Variants in TMC1 observed in about 807,000 individuals in gnomAD.
TMC1 encodes the protein transmembrane channel like 1, also known as transmembrane channel-like protein 1.
TMC1 carries 84 observed loss-of-function variants against 105.8 expected under a neutral mutation model. That is an observed-to-expected ratio of 0.79 (90% CI 0.67 to 0.95). TMC1 has a LOEUF of 0.95. Ranked by LOEUF, TMC1 falls within the 40% of genes least tolerant of loss-of-function variation. The pLI is 0.00. For synonymous variants in TMC1, 315 were observed against 311.5 expected, an observed-to-expected ratio of 1.01 and a Z score of -0.12; for missense variants, 817 against 914.1, an observed-to-expected ratio of 0.89 and a Z score of 1.37.
chr9:72,670,890 A>G (rs533115711), intron 5 of TMC1, among the ~76,000 whole-genome samples: 5 of 152,346 alleles, frequency 3.3e-5, no homozygotes, highest in South Asian at 2.1e-4. Flanking sequence ...GTTTTACACT[A>G]TGTATGAAAT....
intron 8 of TMC1, among the ~76,000 whole-genome samples, chr9:72,723,206 A>G (rs1454731587): frequency 6.6e-6 from 1 of 150,634 alleles, no homozygotes; most frequent in Non-Finnish European, 1.5e-5. Context: ...TTTTTGTTTT[A>G]TATGACTTTT....
chr9:72,653,467 A>G (rs770988241), intron 5 of TMC1, among the ~76,000 whole-genome samples: 1 of 152,336 alleles, frequency 6.6e-6, no homozygotes, highest in South Asian at 2.1e-4. Context: ...TACATACCAT[A>G]GGTTACTATT....
rs1231480682 is a variant in TMC1 at position 72,789,056 on chromosome 9, C to T, written c.1030-67C>T. The T allele has an allele frequency of 3.3e-6, 5 of 1,504,580 alleles. No homozygotes were observed. The African/African-American group carries it at 4.1e-5, about 12-fold the overall frequency. 93.2% of individuals were successfully genotyped at this position (1,504,580 alleles called of 1,614,324 possible). A position where few individuals can be genotyped will look rare whatever the true frequency, so the allele number is the denominator to read the frequency against. On this transcript the variant is annotated intron_variant, in intron 14 of 23. Transcript: ENST00000297784. ...AAAAATAACTTTTGAGGTTTTGATA[C>T]TTTTAAAATGTAGCTAAGATATTCT...
intron 13 of TMC1, among the ~76,000 whole-genome samples, chr9:72,772,935 T>C (rs1396910128): frequency 1.3e-5 from 2 of 152,290 alleles, no homozygotes; most frequent in Non-Finnish European, 1.5e-5. Flanking sequence ...ATCAGCTCAA[T>C]AGGCAGAATC....
intron 8 of TMC1, among the ~76,000 whole-genome samples, chr9:72,737,942 T>C (rs781303291): frequency 3.9e-5 from 6 of 152,150 alleles, no homozygotes; most frequent in Non-Finnish European, 8.8e-5. Context: ...ATCAATTGAG[T>C]TTCAGAGAAG....
intron 1 of TMC1, among the ~76,000 whole-genome samples, chr9:72,527,432 C>T (rs1314605259): frequency 2.6e-5 from 4 of 152,080 alleles, no homozygotes; most frequent in Non-Finnish European, 5.9e-5. Context: ...AGGAATCTGC[C>T]TGTGTAATCA....
At chr9:72,629,658 A>G (rs371112615) in intron 4 of TMC1, among the ~76,000 whole-genome samples, 3 of 152,258 alleles carry the variant, frequency 2.0e-5, no homozygotes, top group African/African-American at 4.8e-5. Context: ...ACAAAATCAA[A>G]GGCTTGAGAG....
At chr9:72,609,879 T>G (rs55955408) in intron 2 of TMC1, among the ~76,000 whole-genome samples, 17,144 of 152,036 alleles carry the variant, frequency 0.11, 1,113 homozygotes, top group Non-Finnish European at 0.16. Flanking sequence ...CAAGCCTTAC[T>G]CATCAAGAAG....
intron 7 of TMC1, among the ~76,000 whole-genome samples, chr9:72,696,658 T>A (rs963866580): frequency 1.5e-4 from 23 of 152,172 alleles, no homozygotes; most frequent in African/African-American, 5.5e-4. Flanking sequence ...AAACCAAGGT[T>A]GTAATGCTAA....
chr9:72,529,819 C>T (rs546052408), intron 1 of TMC1, among the ~76,000 whole-genome samples: 9 of 152,146 alleles, frequency 5.9e-5, no homozygotes, highest in African/African-American at 2.2e-4. Flanking sequence ...GAGACTAAAC[C>T]AGTTTCCCTC....
At chr9:72,697,444 G>T (rs1826569516) in intron 7 of TMC1, among the ~76,000 whole-genome samples, 1 of 152,112 alleles carries the variant, frequency 6.6e-6, no homozygotes, top group Non-Finnish European at 1.5e-5. Flanking sequence ...AAACAAAGTA[G>T]CTTGGAGTCT....
intron 23 of TMC1, among the ~76,000 whole-genome samples, chr9:72,831,709 T>C (rs1190667068): frequency 6.6e-6 from 1 of 152,130 alleles, no homozygotes; most frequent in Admixed American, 6.5e-5. Context: ...GTCCTTGCGA[T>C]AGTTTGCTGA....
intron 5 of TMC1, among the ~76,000 whole-genome samples, chr9:72,677,983 A>G (rs1206153877): frequency 6.6e-6 from 1 of 152,164 alleles, no homozygotes; most frequent in Non-Finnish European, 1.5e-5. Context: ...CATTGATGGC[A>G]GGAACTTGAA....
intron 5 of TMC1, among the ~76,000 whole-genome samples, chr9:72,670,991 C>T (rs142233462): frequency 1.3e-5 from 2 of 152,172 alleles, no homozygotes; most frequent in Non-Finnish European, 2.9e-5. Flanking sequence ...ATCCTGGGTT[C>T]ACAGCTGAGG....
intron 5 of TMC1, among the ~76,000 whole-genome samples, chr9:72,662,219 C>T (rs1449755317): frequency 6.8e-6 from 1 of 147,570 alleles, no homozygotes; most frequent in Non-Finnish European, 1.5e-5. Context: ...TAGAGTCTTG[C>T]TCTGTCACCC....
intron 12 of TMC1, among the ~76,000 whole-genome samples, chr9:72,769,028 A>G (rs1355917895): frequency 1.3e-5 from 2 of 152,176 alleles, no homozygotes; most frequent in Non-Finnish European, 2.9e-5. Flanking sequence ...CTGAGAAGGT[A>G]TGGCACTAGC....
chr9:72,543,672 A>G (rs945969467), intron 1 of TMC1, among the ~76,000 whole-genome samples: 2 of 152,194 alleles, frequency 1.3e-5, no homozygotes, highest in Non-Finnish European at 2.9e-5. Context: ...AATCCCAGCT[A>G]CTTGGGAGGC....
intron 8 of TMC1, among the ~76,000 whole-genome samples, chr9:72,727,902 T>C (rs1316873874): frequency 6.6e-6 from 1 of 152,144 alleles, no homozygotes; most frequent in Admixed American, 6.5e-5. Flanking sequence ...AAAATCATTT[T>C]CATAGAGCTT....
At chr9:72,528,032 C>A (rs1168239227) in intron 1 of TMC1, among the ~76,000 whole-genome samples, 2 of 152,084 alleles carry the variant, frequency 1.3e-5, no homozygotes, top group Non-Finnish European at 2.9e-5. Flanking sequence ...TTCTCTCCAC[C>A]CCGCCAAACT....
Sources: allele counts gnomAD v4.1 joint callset (sites outside exome capture counted in the v4.1 genomes callset), GRCh38; gene constraint gnomAD v4.1.1; transcripts MANE v1.5; gene names NCBI Gene and HGNC (gene_info 2026-07-23, HGNC 2026-07-21).